The following SBNO2 variants were observed in gnomAD, a reference collection of about 807,000 sequenced individuals.
SBNO2 encodes the protein protein strawberry notch homolog 2.
Under a neutral mutation model 146.3 loss-of-function variants are expected in SBNO2, and 89 were observed. That is an observed-to-expected ratio of 0.61 (90% CI 0.51 to 0.73). The LOEUF (loss-of-function observed/expected upper bound fraction) is 0.73, where lower values mean the gene tolerates loss of function less well. Ranked by LOEUF, SBNO2 falls within the 30% of genes least tolerant of loss-of-function variation. SBNO2 has a pLI of 0.00. For synonymous variants in SBNO2, 1,147 were observed against 892.6 expected, an observed-to-expected ratio of 1.29 and a Z score of -5.08; for missense variants, 2,092 against 2,003.7, an observed-to-expected ratio of 1.04 and a Z score of -0.84.
intron 1 of SBNO2, among the ~76,000 whole-genome samples, chr19:1,164,524 CAGGAGGAGGAGG>C (rs1208873405): frequency 2.3e-4 from 5 of 21,946 alleles, no homozygotes; most frequent in Non-Finnish European, 4.3e-4. Context: ...GGAGGAGGAA[CAGGAGGAGGAGG>C]AGGAGGAGGA....
intron 24 of SBNO2, 139 bp from the exon 25 acceptor site, chr19:1,111,232 A>G: frequency 1.0e-6 from 1 of 987,670 alleles, no homozygotes; most frequent in Non-Finnish European, 1.5e-6. Context: ...CAGGGCCAGG[A>G]GCGGAGCCTT....
chr19:1,156,952 C>T (rs1017096879), intron 1 of SBNO2, among the ~76,000 whole-genome samples: 3 of 152,124 alleles, frequency 2.0e-5, no homozygotes, highest in Non-Finnish European at 4.4e-5. Flanking sequence ...CTGAGAACGC[C>T]CACCCTCTGC....
At chr19:1,148,419 C>A (rs1037147680) in intron 3 of SBNO2, among the ~76,000 whole-genome samples, 1 of 151,852 alleles carries the variant, frequency 6.6e-6, no homozygotes, top group Non-Finnish European at 1.5e-5. Flanking sequence ...AACTCCTACC[C>A]CCCCTGCAGA....
chr19:1,155,624 T>A (rs754882565), intron 1 of SBNO2, among the ~76,000 whole-genome samples: 38 of 152,216 alleles, frequency 2.5e-4, no homozygotes, highest in Non-Finnish European at 4.6e-4. Flanking sequence ...GATCAAAGCC[T>A]GGCTCCACCT....
intron 16 of SBNO2, 23 bp from the exon 17 acceptor site, chr19:1,116,126 A>G (rs1235384971): frequency 6.3e-7 from 1 of 1,594,146 alleles, no homozygotes; most frequent in South Asian, 1.1e-5. Flanking sequence ...CGCGGAGTTT[A>G]TTCTCACACG....
At chr19:1,168,230 G>A (rs755681346) in intron 1 of SBNO2, among the ~76,000 whole-genome samples, 2 of 152,094 alleles carry the variant, frequency 1.3e-5, no homozygotes, top group African/African-American at 2.4e-5. Context: ...GGGCCACCCC[G>A]AGAGCTCCTG....
intron 4 of SBNO2, among the ~76,000 whole-genome samples, chr19:1,133,871 C>T (rs966492049): frequency 2.0e-5 from 3 of 152,238 alleles, no homozygotes; most frequent in African/African-American, 4.8e-5. Context: ...GCTGAGGACG[C>T]GGGGCAGTGG....
Position 1,109,986 on chromosome 19 carries a change from G to C in SBNO2, c.3029-209C>G, listed in dbSNP as rs2079735817. 6.6e-6 allele frequency among the ~76,000 whole-genome samples: 1 copy of C among 151,808 alleles called. No individual in the cohort carries two copies. The highest frequency in any genetic ancestry group is 2.1e-4 in the South Asian group (1 of 4,820). The stretch of plus-strand genomic sequence containing the variant: ...CCGCTCAGGTCCTAGGTAACCCCGA[G>C]CAGGCTGTGGGGGATCGTGGGAGCC... On this transcript the variant is annotated intron_variant, in intron 26 of 31. Coordinates refer to ENST00000361757, the MANE Select transcript of SBNO2 (RefSeq NM_014963.3). The surrounding 1 kb of genome is among the most constrained non-coding windows in gnomAD (Gnocchi z 4.2).
rs367929488 is a variant in SBNO2, at chr19:1,147,287, G to A, written c.279+22C>T. 180 of 1,517,672 alleles carry A rather than the reference G, an allele frequency of 1.2e-4. 1 individual carries two copies. The South Asian group carries it at 1.3e-3, about 11-fold the overall frequency. 94.0% of individuals were successfully genotyped at this position (1,517,672 alleles called of 1,614,324 possible). A position where few individuals can be genotyped will look rare whatever the true frequency, so the allele number is the denominator to read the frequency against. Reference sequence around the variant, plus strand: ...GACTCCACCCTGCCCCCCACGGCGCGGTGAGCTCCTGGGGCTCCTACCTGA... The same window carrying A: ...GACTCCACCCTGCCCCCCACGGCGCAGTGAGCTCCTGGGGCTCCTACCTGA... On this transcript the variant is annotated intron_variant, in intron 4 of 31. Coordinates refer to ENST00000361757, the MANE Select transcript of SBNO2 (RefSeq NM_014963.3).
rs772020000 is a variant in SBNO2 at position 1,112,237 on chromosome 19, G to C, written c.2580C>G (p.Ala860=). Residue 860 remains alanine (A), a synonymous_variant, in exon 22 of 32, where the codon GCC becomes GCG. Coordinates refer to ENST00000361757, the MANE Select transcript of SBNO2 (RefSeq NM_014963.3). This position sits in a 1 kb window ranked among gnomAD's most constrained non-coding sequence, Gnocchi z 5.9. ...CGATGGAGGCGAACCGGCGCTCCCC[G>C]GCCAGCTCCGAGATGAGGAAGACAT... ...PEYVFLISEL[A]GERRFASIVA... is the part of the protein sequence containing the mutation. 2.5e-6 allele frequency: 4 copies of C among 1,591,476 alleles called. No homozygotes were observed. The highest frequency in any genetic ancestry group is 2.3e-5 in the East Asian group (1 of 43,942).
chr19:1,123,484 A>C, intron 7 of SBNO2, 50 bp downstream of exon 7: 1 of 1,532,324 alleles, frequency 6.5e-7, no homozygotes, highest in Non-Finnish European at 9.0e-7. Context: ...TCTCGGTCCC[A>C]CAAAAGGGTT....
rs949523852 is a variant in SBNO2, at chr19:1,108,021, C to A, written c.*199G>T. 4.9e-5 allele frequency: 21 copies of A among 429,354 alleles called. No homozygotes were observed. Among genetic ancestry groups the A allele is most frequent in the Non-Finnish European group, 6.3e-5 (16 of 254,138 alleles). The allele number at this position is 429,354 out of a possible 1,614,324, so 26.6% of individuals were successfully genotyped here. A position where few individuals can be genotyped will look rare whatever the true frequency, so the allele number is the denominator to read the frequency against. On this transcript the variant is annotated 3_prime_UTR_variant, in exon 32 of 32. Coordinates refer to ENST00000361757, the MANE Select transcript of SBNO2 (RefSeq NM_014963.3). ...GAGAGGCACAGAGAGGGCCCTGCCA[C>A]GCCCCGGCCCCCAGCTGTCCTGAGT...
At chr19:1,122,592 T>TGCCCCCCCCCCCCCCCCCAAAC in intron 9 of SBNO2, 34 bp from the exon 10 acceptor site, 1 of 1,455,726 alleles carries the variant, frequency 6.9e-7, no homozygotes, top group East Asian at 2.5e-5. Context: ...CGCCCACCCT[T>TGCCCCCCCCCCCCCCCCCAAAC]CCCCCTCGCC....
In SBNO2 at chr19:1,108,981, ACGGGTCGTCTCGGCTCAGG is replaced by A; in HGVS notation, c.3426-31_3426-13del. On this transcript the variant is annotated splice_polypyrimidine_tract_variant and intron_variant, in intron 30 of 31. Coordinates refer to ENST00000361757, the MANE Select transcript of SBNO2 (RefSeq NM_014963.3). ...GGCAGTGCCGGTTCCTGCGGACGAG[ACGGGTCGTCTCGGCTCAGG>A]CGGGTCCCAGGGGCCCGCAGGCTCC... 6.6e-7 allele frequency: 1 copy of A among 1,510,676 alleles called. No individual in the cohort carries two copies. The highest frequency in any genetic ancestry group is 8.8e-7 in the Non-Finnish European group (1 of 1,133,822). 93.6% of individuals were successfully genotyped at this position (1,510,676 alleles called of 1,614,324 possible).
rs920709820 is a variant in SBNO2, at chr19:1,161,939, G to C, written c.-126-7537C>G. 1.7e-5 allele frequency among the ~76,000 whole-genome samples: 2 copies of C among 119,910 alleles called. 1 individual carries two copies. The highest frequency in any genetic ancestry group is 8.5e-3 in the Middle Eastern group (2 of 236). 78.7% of individuals were successfully genotyped at this position (119,910 alleles called of 152,430 possible). On this transcript the variant is annotated intron_variant, in intron 1 of 31. Transcript: ENST00000361757. ...GGGGGGGGGGGGTTGGGCCAGGCCTGCGGGGAGGAGCCGACATACAGCTTC... is the reference window on the plus strand; with the variant it reads ...GGGGGGGGGGGGTTGGGCCAGGCCTCCGGGGAGGAGCCGACATACAGCTTC...
intron 2 of SBNO2, among the ~76,000 whole-genome samples, chr19:1,152,427 G>C (rs2080251249): frequency 6.6e-6 from 1 of 152,172 alleles, no homozygotes; most frequent in African/African-American, 2.4e-5. Context: ...TCTTGGATCG[G>C]AACAAGCTCC....
chr19:1,147,940 G>T (rs894612612), intron 3 of SBNO2, among the ~76,000 whole-genome samples: 1 of 152,172 alleles, frequency 6.6e-6, no homozygotes, highest in Non-Finnish European at 1.5e-5. Context: ...GAAGGTCCTG[G>T]GGGCCCCCCG....
In SBNO2 at chr19:1,140,135, T is replaced by A. The variant is rs184825110; in HGVS notation, c.279+7174A>T. 9.7e-3 allele frequency among the ~76,000 whole-genome samples: 1,463 copies of A among 150,628 alleles called. 19 individuals are homozygous for A. Among genetic ancestry groups the A allele is most frequent in the African/African-American group, 0.034 (1,387 of 41,004 alleles). Reference sequence around the variant, plus strand: ...TAACACGGTGAAACCCCGTGTCCACTAAAAAACACAAAAAATTAGCTGGGC... The same window carrying A: ...TAACACGGTGAAACCCCGTGTCCACAAAAAAACACAAAAAATTAGCTGGGC... On this transcript the variant is annotated intron_variant, in intron 4 of 31. Coordinates refer to ENST00000361757, the MANE Select transcript of SBNO2 (RefSeq NM_014963.3). This position sits in a 1 kb window ranked among gnomAD's most constrained non-coding sequence, Gnocchi z 4.4.
At chr19:1,132,875 C>T (rs2080047003) in intron 4 of SBNO2, among the ~76,000 whole-genome samples, 10 of 152,254 alleles carry the variant, frequency 6.6e-5, no homozygotes, top group Admixed American at 6.5e-4. Flanking sequence ...CCTCGGCCCC[C>T]TGGGCAGGAA....
Sources: gnomAD v4.1 joint callset for allele counts (sites outside exome capture counted in the v4.1 genomes callset) on GRCh38, gnomAD v4.1.1 for gene constraint, Gnocchi (gnomAD v3.1) non-coding constraint, MANE v1.5 for transcripts, NCBI Gene and HGNC (gene_info 2026-07-23, HGNC 2026-07-21) for gene names.